ZNF804B: variants seen among roughly 807,000 people sequenced by gnomAD.
ZNF804B encodes zinc finger 804B.
Under a neutral mutation model 101.4 loss-of-function variants are expected in ZNF804B, and 80 were observed. The observed-to-expected ratio is 0.79, with a 90% CI of 0.66 to 0.95. ZNF804B has a LOEUF of 0.95. Among genes scored for constraint, ZNF804B ranks in the 40% least tolerant of loss-of-function variants. The pLI, the probability that ZNF804B is intolerant of heterozygous loss-of-function variation, is 0.00. For synonymous variants in ZNF804B, 622 were observed against 558.8 expected (o/e 1.11, Z -1.59); for missense variants, 1,673 against 1,561.9 (o/e 1.07, Z -1.20).
At chr7:89,153,685 A>G (rs1790913212) in intron 1 of ZNF804B, among the ~76,000 whole-genome samples, 1 of 152,124 alleles carries the variant, frequency 6.6e-6, no homozygotes, top group Non-Finnish European at 1.5e-5. Flanking sequence ...GTGGAAAAGT[A>G]GAATCACTTT....
At chr7:89,177,020 T>C (rs936345705) in intron 1 of ZNF804B, among the ~76,000 whole-genome samples, 14 of 152,154 alleles carry the variant, frequency 9.2e-5, no homozygotes, top group Non-Finnish European at 2.1e-4. Context: ...ACTTCAGTCT[T>C]CTCCTTTTTT....
intron 2 of ZNF804B, among the ~76,000 whole-genome samples, chr7:89,228,543 G>A (rs547447644): frequency 2.6e-5 from 4 of 152,126 alleles, no homozygotes; most frequent in Admixed American, 6.5e-5. Flanking sequence ...ACAGAGTGTC[G>A]ATTGGTGCAT....
chr7:88,861,407 T>G (rs1562815181), intron 1 of ZNF804B, among the ~76,000 whole-genome samples: 2 of 152,164 alleles, frequency 1.3e-5, no homozygotes, highest in Non-Finnish European at 2.9e-5. Flanking sequence ...AGGAAAGACC[T>G]TAAGACATGT....
At chr7:88,926,936 T>TGGGGGGGGGGGGGGG (rs200969350) in intron 1 of ZNF804B, among the ~76,000 whole-genome samples, 1 of 85,444 alleles carries the variant, frequency 1.2e-5, no homozygotes, top group Non-Finnish European at 2.1e-5. Context: ...TGCCGGGTGG[T>TGGGGGGGGGGGGGGG]GGGGAGCGGG....
intron 1 of ZNF804B, among the ~76,000 whole-genome samples, chr7:89,044,198 G>A (rs752790887): frequency 1.3e-5 from 2 of 152,080 alleles, no homozygotes; most frequent in Non-Finnish European, 2.9e-5. Context: ...TTTTATAAAG[G>A]GCTTTTCCCT....
chr7:89,317,255 T>G (rs2115959337), intron 2 of ZNF804B, among the ~76,000 whole-genome samples: 1 of 152,306 alleles, frequency 6.6e-6, no homozygotes, highest in Admixed American at 6.5e-5. Context: ...CTGCCTATAC[T>G]CTTGATTATA....
intron 1 of ZNF804B, among the ~76,000 whole-genome samples, chr7:88,942,028 C>T (rs369305535): frequency 2.0e-5 from 3 of 151,824 alleles, no homozygotes; most frequent in East Asian, 1.9e-4. Flanking sequence ...GAAGCTCTTC[C>T]GTTTTCTCTG....
At chr7:88,969,632 G>A (rs1254923685) in intron 1 of ZNF804B, among the ~76,000 whole-genome samples, 1 of 151,636 alleles carries the variant, frequency 6.6e-6, no homozygotes, top group Non-Finnish European at 1.5e-5. Flanking sequence ...GTGCCTGTGA[G>A]TCAAACTAAT....
At chr7:88,780,360 G>C (rs1790205477) in intron 1 of ZNF804B, among the ~76,000 whole-genome samples, 1 of 146,116 alleles carries the variant, frequency 6.8e-6, no homozygotes, top group African/African-American at 2.5e-5. Flanking sequence ...TTTTAAGTAA[G>C]AAATTAATGG....
chr7:89,278,288 C>A (rs1221230966), intron 2 of ZNF804B, among the ~76,000 whole-genome samples: 3 of 151,694 alleles, frequency 2.0e-5, no homozygotes, highest in Non-Finnish European at 4.4e-5. Flanking sequence ...AAATTTCTCC[C>A]ATTTTGTAGG....
In ZNF804B at chr7:89,215,848, C is replaced by T. The variant is rs570034861; in HGVS notation, c.109-2307C>T. On this transcript the variant is annotated intron_variant, in intron 1 of 3. Coordinates refer to ENST00000333190, the MANE Select transcript of ZNF804B (RefSeq NM_181646.5). ...ACAGTCAGCCGAGATCACGCCACTG[C>T]ACTCCAGCCTGGGCAACAGAGAGAG... is the stretch of plus-strand genomic sequence containing the variant. Among the ~76,000 whole-genome samples the T allele has an allele frequency of 9.2e-4, 140 of 151,422 alleles. 1 individual carries two copies. The highest frequency in any genetic ancestry group is 1.6e-3 in the Non-Finnish European group (110 of 67,882).
chr7:88,993,546 AT>A (rs1793878189), intron 1 of ZNF804B, among the ~76,000 whole-genome samples: 1 of 152,032 alleles, frequency 6.6e-6, no homozygotes, highest in East Asian at 1.9e-4. Flanking sequence ...AATAGTTCCT[AT>A]CTGCACTGAA....
chr7:89,071,666 C>A (rs1235976406), intron 1 of ZNF804B, among the ~76,000 whole-genome samples: 4 of 152,002 alleles, frequency 2.6e-5, no homozygotes, highest in African/African-American at 4.8e-5. Flanking sequence ...TGCTATCATT[C>A]CAATTTAAAA....
At chr7:89,245,755 A>T (rs554749244) in intron 2 of ZNF804B, among the ~76,000 whole-genome samples, 65 of 152,290 alleles carry the variant, frequency 4.3e-4, no homozygotes, top group African/African-American at 1.5e-3. Flanking sequence ...CAGAATAATG[A>T]AGGACACCCT....
At chr7:89,130,607 A>C (rs1790533108) in intron 1 of ZNF804B, among the ~76,000 whole-genome samples, 1 of 151,980 alleles carries the variant, frequency 6.6e-6, no homozygotes, top group African/African-American at 2.4e-5. Flanking sequence ...GGGTGAAATG[A>C]ATACGAGAGA....
At chr7:89,032,744 A>G (rs966412797) in intron 1 of ZNF804B, among the ~76,000 whole-genome samples, 5 of 152,094 alleles carry the variant, frequency 3.3e-5, no homozygotes, top group African/African-American at 1.2e-4. Context: ...CACATAGGGA[A>G]ATTGTTAGGT....
intron 1 of ZNF804B, among the ~76,000 whole-genome samples, chr7:88,775,632 A>T (rs2115644600): frequency 6.6e-6 from 1 of 152,310 alleles, no homozygotes; most frequent in South Asian, 2.1e-4. Context: ...AGTCATCACT[A>T]ATTTAATTAC....
rs574542929 is a variant in ZNF804B, at chr7:89,303,693, T to A, written c.250-23651T>A. On this transcript the variant is annotated intron_variant, in intron 2 of 3. Transcript: ENST00000333190. ...TATCTGACATGTGAAAATCTTACAA[T>A]TCATGTGGGCTATTGGTGGTATTTC... Among the ~76,000 whole-genome samples the A allele has an allele frequency of 4.2e-3, 632 of 152,048 alleles. 3 individuals carry two copies. Among genetic ancestry groups the A allele is most frequent in the Non-Finnish European group, 7.5e-3 (510 of 67,884 alleles).
chr7:88,791,692 G>T (rs1358230754), intron 1 of ZNF804B, among the ~76,000 whole-genome samples: 1 of 152,012 alleles, frequency 6.6e-6, no homozygotes, highest in Non-Finnish European at 1.5e-5. Context: ...TTTACCAGTA[G>T]CTATCCAATA....
Sources: gnomAD v4.1 joint callset for allele counts (sites outside exome capture counted in the v4.1 genomes callset) on GRCh38, gnomAD v4.1.1 for gene constraint, MANE v1.5 for transcripts, NCBI Gene and HGNC (gene_info 2026-07-23, HGNC 2026-07-21) for gene names.